SGIP1: variants seen among roughly 807,000 people sequenced by gnomAD.
SGIP1 encodes the protein SH3GL interacting endocytic adaptor 1.
In SGIP1, 38 loss-of-function variants were observed where a neutral mutation model predicts 107.5. That is an observed-to-expected ratio of 0.35 (90% CI 0.27 to 0.46). SGIP1 has a LOEUF of 0.46. Among genes scored for constraint, SGIP1 ranks in the 20% least tolerant of loss-of-function variants. The pLI, the probability that SGIP1 is intolerant of heterozygous loss-of-function variation, is 1.00. For synonymous variants in SGIP1, 365 were observed against 366.1 expected (o/e 1.00, Z 0.03); for missense variants, 929 against 1,019.5 (o/e 0.91, Z 1.21).
At chr1:66,545,799 A>T (rs905915608) in intron 1 of SGIP1, among the ~76,000 whole-genome samples, 2 of 152,134 alleles carry the variant, frequency 1.3e-5, no homozygotes, top group African/African-American at 4.8e-5. Context: ...GCAGGCGTTG[A>T]TGGTGAAGTC....
chr1:66,565,152 G>GA (rs1221257645), intron 1 of SGIP1, among the ~76,000 whole-genome samples: 1 of 151,944 alleles, frequency 6.6e-6, no homozygotes, highest in Admixed American at 6.6e-5. Flanking sequence ...CATGTCTGGG[G>GA]AAAAACGTTT....
intron 1 of SGIP1, among the ~76,000 whole-genome samples, chr1:66,603,172 G>T (rs2149048479): frequency 6.6e-6 from 1 of 152,282 alleles, no homozygotes; most frequent in African/African-American, 2.4e-5. Context: ...GAAAGAAATA[G>T]AATGTTCAGT....
intron 1 of SGIP1, among the ~76,000 whole-genome samples, chr1:66,554,942 C>G (rs998634328): frequency 3.3e-5 from 5 of 152,108 alleles, no homozygotes; most frequent in Admixed American, 6.5e-5. Context: ...TAGAGATGCT[C>G]TATCTGGAGC....
chr1:66,710,237 T>A (rs1449405438), intron 18 of SGIP1, among the ~76,000 whole-genome samples: 2 of 152,160 alleles, frequency 1.3e-5, no homozygotes, highest in Non-Finnish European at 2.9e-5. Flanking sequence ...GCTCTCATGA[T>A]ACAGTTCTTT....
At chr1:66,667,839 A>T (rs2082912425) in intron 9 of SGIP1, among the ~76,000 whole-genome samples, 1 of 152,122 alleles carries the variant, frequency 6.6e-6, no homozygotes, top group Admixed American at 6.6e-5. Context: ...GTATGTGTAT[A>T]TAAAAGGCCT....
chr1:66,716,322 C>A (rs2093240799), intron 18 of SGIP1, among the ~76,000 whole-genome samples: 1 of 152,118 alleles, frequency 6.6e-6, no homozygotes, highest in Admixed American at 6.6e-5. Context: ...AGACTATGAT[C>A]CACACAAATT....
chr1:66,546,026 A>T (rs1178960426), intron 1 of SGIP1, among the ~76,000 whole-genome samples: 4 of 152,168 alleles, frequency 2.6e-5, no homozygotes, highest in African/African-American at 9.7e-5. Context: ...AGGATCACAA[A>T]CTTTTGGTGA....
At chr1:66,680,297 C>A (rs748008114) in intron 14 of SGIP1, among the ~76,000 whole-genome samples, 17 of 152,146 alleles carry the variant, frequency 1.1e-4, no homozygotes, top group Non-Finnish European at 8.8e-5. Flanking sequence ...TTGCTACACA[C>A]CTGTAGACAG....
intron 2 of SGIP1, 132 bp from the exon 3 acceptor site, chr1:66,632,938 T>G: frequency 1.4e-6 from 1 of 720,664 alleles, no homozygotes; most frequent in South Asian, 1.5e-5. Context: ...TAGTTTTCAT[T>G]AGCCAGGTTT....
intron 19 of SGIP1, among the ~76,000 whole-genome samples, chr1:66,723,526 T>C (rs1006315665): frequency 3.9e-5 from 6 of 152,156 alleles, no homozygotes; most frequent in Non-Finnish European, 8.8e-5. Context: ...GGTCAGAGAT[T>C]AACTCTCTAA....
chr1:66,683,673 G>A lies in SGIP1; in HGVS notation c.1315+1304G>A, dbSNP rs2087346066. ...TAGAAACCACAGTTTCTTATCCTGG[G>A]CACCACACTGTTTGTTTGTTTCTTT... On this transcript the variant is annotated intron_variant, in intron 15 of 24. Coordinates refer to ENST00000371037, the MANE Select transcript of SGIP1 (RefSeq NM_032291.4). Among the ~76,000 whole-genome samples the A allele has an allele frequency of 3.0e-5, 4 of 133,878 alleles. 1 individual carries two copies. The highest frequency in any genetic ancestry group is 6.2e-4 in the East Asian group (2 of 3,230). 87.8% of individuals were successfully genotyped at this position (133,878 alleles called of 152,430 possible).
At chr1:66,726,713 T>C (rs2093773816) in intron 19 of SGIP1, among the ~76,000 whole-genome samples, 2 of 152,128 alleles carry the variant, frequency 1.3e-5, no homozygotes, top group Admixed American at 6.6e-5. Flanking sequence ...TGAACTGAGA[T>C]CCATACTTGA....
chr1:66,555,217 T>A (rs2058014911), intron 1 of SGIP1, among the ~76,000 whole-genome samples: 1 of 152,066 alleles, frequency 6.6e-6, no homozygotes, highest in African/African-American at 2.4e-5. Context: ...ATGTGTGCCC[T>A]CCTCATATAC....
chr1:66,552,156 G>C (rs997219854), intron 1 of SGIP1, among the ~76,000 whole-genome samples: 1 of 152,150 alleles, frequency 6.6e-6, no homozygotes, highest in Admixed American at 6.5e-5. Context: ...TGATGGGCTT[G>C]TTAAGAAAGC....
In SGIP1 at chr1:66,682,130, G is replaced by T; in HGVS notation, c.1076G>T (p.Gly359Val). 1 of 1,614,146 alleles carries T rather than the reference G, an allele frequency of 6.2e-7. No homozygotes were observed. Among genetic ancestry groups the T allele is most frequent in the Non-Finnish European group, 8.5e-7 (1 of 1,180,028 alleles). The stretch of plus-strand genomic sequence containing the variant: ...CCTCTCGGCCCCCCAGGTCCCACAG[G>T]CCCCCCAGGGCCTCCTGGGCCTCCT... ...PGPLGPPGPT[G>V]PPGPPGPPRN... is the part of the protein sequence containing the mutation. The change falls in exon 15 of 25, where the codon GGC becomes GTC. Residue 359 changes from glycine (G) to valine (V), a missense_variant. By Grantham distance (109) the Gly-to-Val change is moderately radical. Transcript: ENST00000371037.
At chr1:66,660,955 G>A (rs1557510485) in intron 8 of SGIP1, among the ~76,000 whole-genome samples, 1 of 152,206 alleles carries the variant, frequency 6.6e-6, no homozygotes, top group Admixed American at 6.5e-5. Context: ...GGAATGGGGA[G>A]TTGTAGGGAA....
chr1:66,736,221 CAAATATTTTAAATATAAATATTTAT>C (rs2094229865), intron 21 of SGIP1, among the ~76,000 whole-genome samples: 1 of 142,886 alleles, frequency 7.0e-6, no homozygotes, highest in Non-Finnish European at 1.5e-5. Context: ...AATATTTATA[CAAATATTTTAAATATAAATATTTAT>C]ACAAATATTT....
chr1:66,634,241 G>A, intron 3 of SGIP1: 1 of 1,114,868 alleles, frequency 9.0e-7, no homozygotes, highest in East Asian at 2.5e-5. Flanking sequence ...TCTGACCTTT[G>A]CAAAGCTCTG....
intron 1 of SGIP1, among the ~76,000 whole-genome samples, chr1:66,575,359 A>G (rs1238119109): frequency 6.6e-6 from 1 of 151,942 alleles, no homozygotes; most frequent in East Asian, 1.9e-4. Context: ...CAACTTTTTC[A>G]CTCTTAAATT....
Sources: allele counts gnomAD v4.1 joint callset (sites outside exome capture counted in the v4.1 genomes callset), GRCh38; gene constraint gnomAD v4.1.1; transcripts MANE v1.5; gene names NCBI Gene and HGNC (gene_info 2026-07-23, HGNC 2026-07-21).